KMT2C: variants seen among roughly 807,000 people sequenced by gnomAD.
KMT2C encodes the protein lysine methyltransferase 2C, also known as histone-lysine N-methyltransferase 2C.
A neutral mutation model predicts 507.9 loss-of-function variants in KMT2C; 88 were observed. The ratio of observed to expected loss-of-function variants is 0.17; its 90% CI spans 0.15 to 0.21. KMT2C has a LOEUF of 0.21. Ranked by LOEUF, KMT2C falls within the 10% of genes least tolerant of loss-of-function variation. KMT2C has a pLI of 1.00. For synonymous variants in KMT2C, 2,049 were observed against 2,080.8 expected (o/e 0.98, Z 0.42); for missense variants, 4,954 against 5,957.8 (o/e 0.83, Z 5.55).
chr7:152,187,877 T>C, intron 31 of KMT2C, 30 bp from the exon 32 acceptor site: 2 of 1,611,136 alleles, frequency 1.2e-6, no homozygotes, highest in Non-Finnish European at 1.7e-6. Context: ...TCCGTTGGCA[T>C]GATATTCACA....
chr7:152,187,010 A>G (rs1019282706), intron 33 of KMT2C, among the ~76,000 whole-genome samples: 23 of 152,196 alleles, frequency 1.5e-4, no homozygotes, highest in Non-Finnish European at 2.8e-4. Context: ...CTGCATATTA[A>G]TAAGTACTGC....
chr7:152,322,541 A>G (rs1438794599), intron 3 of KMT2C, among the ~76,000 whole-genome samples: 2 of 152,088 alleles, frequency 1.3e-5, no homozygotes, highest in Non-Finnish European at 2.9e-5. Context: ...CTTGTCTCAC[A>G]TAACACAAAA....
Position 152,194,527 on chromosome 7 carries a change from G to A in KMT2C, c.4420C>T (p.Pro1474Ser), listed in dbSNP as rs762232812. 2.5e-6 allele frequency: 4 copies of A among 1,612,754 alleles called. No homozygotes were observed. The highest frequency in any genetic ancestry group is 3.4e-6 in the Non-Finnish European group (4 of 1,178,948). Residue 1474 changes from proline (P) to serine (S), a missense_variant, in exon 29 of 59, where the codon CCA becomes TCA. Pro to Ser is a moderately conservative substitution (Grantham distance 74). This residue lies in a region of KMT2C where 140 missense variants were observed against 118.4 expected (regional missense o/e 1.18). Transcript: ENST00000262189. ...VTDDPSSLPQ[P>S]NVNQSSRPLS... is the part of the protein sequence containing the mutation. ...GGTCGTGAACTCTGATTGACATTTG[G>A]CTGAGGCAAAGAGGAAGGATCATCA...
chr7:152,205,253 G>A (rs753841278), intron 24 of KMT2C, 28 bp from the exon 25 acceptor site: 4 of 1,600,894 alleles, frequency 2.5e-6, no homozygotes, highest in Non-Finnish European at 3.4e-6. Context: ...TAGGTAAACT[G>A]ATAAGTAATT....
chr7:152,330,031 C>A (rs2096866193), intron 3 of KMT2C, among the ~76,000 whole-genome samples: 1 of 151,300 alleles, frequency 6.6e-6, no homozygotes, highest in Non-Finnish European at 1.5e-5. Context: ...ATAATCCTAG[C>A]TACTCAGGAG....
chr7:152,392,504 T>C (rs559548812), intron 1 of KMT2C, among the ~76,000 whole-genome samples: 22 of 152,358 alleles, frequency 1.4e-4, no homozygotes, highest in Middle Eastern at 3.4e-3. Flanking sequence ...TGAAGGGCTA[T>C]GGAACTGTTC....
In KMT2C at chr7:152,187,788, G is replaced by A; in HGVS notation, c.4720C>T (p.His1574Tyr). The change falls in exon 32 of 59, where the codon CAT (histidine) becomes TAT (tyrosine). Residue 1574 changes from histidine (H) to tyrosine (Y), a missense_variant. By Grantham distance (83) the His-to-Tyr change is moderately conservative. Coordinates refer to ENST00000262189, the MANE Select transcript of KMT2C (RefSeq NM_170606.3). ...GLIGSSPHLP[H>Y]NSLPPGSGLG... ...CCGCTTCCAGGTGGCAAAGAATTATGTGGGAGATGAGGACTGGATCCAATA... is the reference window on the plus strand; with the variant it reads ...CCGCTTCCAGGTGGCAAAGAATTATATGGGAGATGAGGACTGGATCCAATA... 5 of 1,614,030 alleles carry A rather than the reference G, an allele frequency of 3.1e-6. No individual in the cohort carries two copies. In the East Asian group the frequency reaches 1.1e-4, roughly 36 times the overall value.
chr7:152,401,656 A>G (rs1346339985), intron 1 of KMT2C, among the ~76,000 whole-genome samples: 1 of 152,296 alleles, frequency 6.6e-6, no homozygotes, highest in African/African-American at 2.4e-5. Context: ...GCACCACTGC[A>G]CTCAAGCCTG....
chr7:152,255,692 A>AG (rs1312472185), intron 9 of KMT2C, among the ~76,000 whole-genome samples: 1 of 152,206 alleles, frequency 6.6e-6, no homozygotes, highest in Non-Finnish European at 1.5e-5. Context: ...ATGGAATGGA[A>AG]AAGAGGTTCC....
In KMT2C at chr7:152,389,883, A is replaced by G. The variant is rs543326487; in HGVS notation, c.162-31208T>C. Among the ~76,000 whole-genome samples, 47 of 152,352 alleles carry G rather than the reference A, an allele frequency of 3.1e-4. No individual in the cohort carries two copies. In the East Asian group the frequency reaches 7.3e-3, roughly 24 times the overall value. On this transcript the variant is annotated intron_variant, in intron 1 of 58. Transcript: ENST00000262189. ...TACAGCCATAAAAAAGAATGGAATC[A>G]TGTCCTTCGCAGCAACATGGATGGA...
chr7:152,329,735 A>AGGAG (rs2096862900), intron 3 of KMT2C, among the ~76,000 whole-genome samples: 1 of 151,492 alleles, frequency 6.6e-6, no homozygotes, highest in African/African-American at 2.4e-5. Flanking sequence ...GAGACAGGTA[A>AGGAG]GGAGGGAGGG....
At position 152,156,068 on chromosome 7, in the gene KMT2C, A is replaced by C; in HGVS notation, c.11813-11T>G. On this transcript the variant is annotated splice_polypyrimidine_tract_variant and intron_variant, in intron 45 of 58. Coordinates refer to ENST00000262189, the MANE Select transcript of KMT2C (RefSeq NM_170606.3). The stretch of plus-strand genomic sequence containing the variant: ...CTAGAGTTTTGGTAACTGGAAAAGC[A>C]AAAACACAAAACCATAAATACATTC... 1 of 1,595,834 alleles carries C rather than the reference A, an allele frequency of 6.3e-7. No individual in the cohort carries two copies. The highest frequency in any genetic ancestry group is 1.1e-5 in the South Asian group (1 of 88,428).
intron 44 of KMT2C, chr7:152,157,936 A>G: frequency 7.6e-7 from 1 of 1,314,676 alleles, no homozygotes; most frequent in South Asian, 1.2e-5. Flanking sequence ...CTATTAAAAA[A>G]CACATTTAAG....
chr7:152,424,966 A>C (rs2097802382), intron 1 of KMT2C, among the ~76,000 whole-genome samples: 2 of 152,198 alleles, frequency 1.3e-5, no homozygotes, highest in South Asian at 4.1e-4. Flanking sequence ...GTACCCAAAA[A>C]TAGCAAAGTG....
At chr7:152,207,510 G>A (rs2129138772) in intron 23 of KMT2C, 82 bp from the exon 24 acceptor site, 2 of 1,289,090 alleles carry the variant, frequency 1.6e-6, no homozygotes, top group Non-Finnish European at 1.1e-6. Flanking sequence ...TAAAAAGTAG[G>A]GTTGTTGCTG....
intron 2 of KMT2C, among the ~76,000 whole-genome samples, chr7:152,357,810 T>C (rs2129230798): frequency 6.6e-6 from 1 of 152,348 alleles, no homozygotes; most frequent in East Asian, 1.9e-4. Flanking sequence ...CTGACAACTG[T>C]AAGGATTTCT....
intron 1 of KMT2C, among the ~76,000 whole-genome samples, chr7:152,426,649 CAGT>C (rs2097822573): frequency 6.6e-6 from 1 of 152,166 alleles, no homozygotes; most frequent in African/African-American, 2.4e-5. Flanking sequence ...ACAGTAACAA[CAGT>C]AGTTAAATCC....
At chr7:152,368,756 C>A in intron 1 of KMT2C, 2 of 881,770 alleles carry the variant, frequency 2.3e-6, no homozygotes, top group Non-Finnish European at 3.6e-6. Flanking sequence ...GCACCAGTTT[C>A]ATCCATAATG....
At chr7:152,293,293 CAT>C (rs1338716997) in intron 6 of KMT2C, among the ~76,000 whole-genome samples, 2 of 152,182 alleles carry the variant, frequency 1.3e-5, no homozygotes, top group Non-Finnish European at 2.9e-5. Flanking sequence ...CCTTATATCA[CAT>C]GATACACAAA....
Sources: gnomAD v4.1 joint callset for allele counts (sites outside exome capture counted in the v4.1 genomes callset) on GRCh38, gnomAD v4.1.1 for gene constraint, gnomAD v4.1.1 regional missense constraint, MANE v1.5 for transcripts, NCBI Gene and HGNC (gene_info 2026-07-23, HGNC 2026-07-21) for gene names.